The following CDON variants were observed in gnomAD, a reference collection of about 807,000 sequenced individuals.
The protein encoded by CDON is cell adhesion associated, oncogene regulated.
Under a neutral mutation model 120.9 loss-of-function variants are expected in CDON, and 73 were observed. The observed-to-expected ratio is 0.60, with a 90% CI of 0.50 to 0.73. The LOEUF (loss-of-function observed/expected upper bound fraction) is 0.73, where lower values mean the gene tolerates loss of function less well. Ranked by LOEUF, CDON falls within the 30% of genes least tolerant of loss-of-function variation. CDON has a pLI of 0.00. For missense variants in CDON, 1,470 were observed against 1,587.3 expected, an observed-to-expected ratio of 0.93 and a Z score of 1.26; for synonymous variants, 566 against 573.5, an observed-to-expected ratio of 0.99 and a Z score of 0.19.
chr11:126,008,939 T>C (rs971657738), intron 8 of CDON, among the ~76,000 whole-genome samples: 1 of 152,232 alleles, frequency 6.6e-6, no homozygotes, highest in Admixed American at 6.5e-5. Flanking sequence ...TTATACTTAG[T>C]ATCAATGGAG....
Position 126,015,381 on chromosome 11 carries a change from T to C in CDON, c.1058A>G (p.His353Arg). The part of the protein sequence containing the change: ...CTWFHNAQPI[H>R]PSARHLTAGN... ...TGCAGTTAGATGTCGTGCAGAAGGA[T>C]GAATAGGCTGTGCATTGTGAAACCA... Residue 353 changes from histidine (H) to arginine (R), a missense_variant, in exon 7 of 20, where the codon CAT becomes CGT. Coordinates refer to ENST00000531738, the MANE Select transcript of CDON (RefSeq NM_001378964.1). 1 of 1,614,152 alleles carries C rather than the reference T, an allele frequency of 6.2e-7. No individual in the cohort carries two copies. The highest frequency in any genetic ancestry group is 8.5e-7 in the Non-Finnish European group (1 of 1,180,032).
chr11:125,960,500 CA>C lies in CDON; in HGVS notation c.*441del, dbSNP rs201774829. ...GCAAGACTCCATCTCAAAAAACAAA[CA>C]AAAAAAAGTCTGAGAATACACTATT... On this transcript the variant is annotated 3_prime_UTR_variant, in exon 20 of 20. Coordinates refer to ENST00000531738, the MANE Select transcript of CDON (RefSeq NM_001378964.1). 5.7e-5 allele frequency: 10 copies of C among 176,794 alleles called. No homozygotes were observed. Among genetic ancestry groups the C allele is most frequent in the East Asian group, 1.7e-4 (1 of 5,902 alleles). The allele number at this position is 176,794 out of a possible 1,614,324, so 11.0% of individuals were successfully genotyped here.
At chr11:126,024,170 C>A (rs11599985) in intron 1 of CDON, among the ~76,000 whole-genome samples, 19,706 of 152,198 alleles carry the variant, frequency 0.13, 1,379 homozygotes, top group Middle Eastern at 0.25. Context: ...GCCAGAGAGG[C>A]AGGCTGGACC....
chr11:125,981,586 C>T (rs1946303164), intron 16 of CDON, among the ~76,000 whole-genome samples: 1 of 152,130 alleles, frequency 6.6e-6, no homozygotes, highest in Non-Finnish European at 1.5e-5. Context: ...AATAAAGTTA[C>T]TGCTATTATT....
chr11:126,006,936 T>C (rs1947145649), intron 8 of CDON, among the ~76,000 whole-genome samples: 1 of 152,076 alleles, frequency 6.6e-6, no homozygotes, highest in South Asian at 2.1e-4. Flanking sequence ...CATGTTACAG[T>C]TGAAGAAATT....
intron 9 of CDON, chr11:126,004,313 T>C (rs1947053064): frequency 1.9e-6 from 1 of 533,628 alleles, no homozygotes; most frequent in Non-Finnish European, 3.4e-6. Context: ...TGACCACTAA[T>C]GTGTGGCCTC....
At chr11:126,004,997 T>C (rs914468294) in intron 9 of CDON, among the ~76,000 whole-genome samples, 1 of 152,138 alleles carries the variant, frequency 6.6e-6, no homozygotes, top group Non-Finnish European at 1.5e-5. Context: ...ATGACTTTAA[T>C]ACAATTAAAA....
chr11:126,047,204 T>G (rs1318202922), intron 1 of CDON, among the ~76,000 whole-genome samples: 1 of 152,150 alleles, frequency 6.6e-6, no homozygotes, highest in Non-Finnish European at 1.5e-5. Context: ...GGTATTAAAC[T>G]GAAGAATGTT....
intron 1 of CDON, among the ~76,000 whole-genome samples, chr11:126,029,443 T>C (rs963037016): frequency 6.6e-6 from 1 of 152,196 alleles, no homozygotes; most frequent in Non-Finnish European, 1.5e-5. Context: ...TAAATTTGTA[T>C]GCAAAAATTG....
intron 1 of CDON, among the ~76,000 whole-genome samples, chr11:126,033,004 G>A (rs1379743116): frequency 6.6e-6 from 1 of 152,188 alleles, no homozygotes; most frequent in Non-Finnish European, 1.5e-5. Flanking sequence ...GTGAGGCCCT[G>A]TGATCAACAG....
intron 18 of CDON, among the ~76,000 whole-genome samples, chr11:125,975,611 C>G (rs1169751608): frequency 6.6e-6 from 1 of 152,146 alleles, no homozygotes; most frequent in Non-Finnish European, 1.5e-5. Flanking sequence ...GGACCATGGG[C>G]ATCAGTACCA....
intron 1 of CDON, among the ~76,000 whole-genome samples, chr11:126,046,514 T>TA (rs1555139309): frequency 2.4e-4 from 37 of 151,902 alleles, no homozygotes; most frequent in African/African-American, 6.0e-4. Context: ...ATAATATTTT[T>TA]AAAAATATTT....
intron 1 of CDON, among the ~76,000 whole-genome samples, chr11:126,041,188 TAAAAAAA>T (rs562515383): frequency 2.1e-5 from 2 of 94,098 alleles, no homozygotes; most frequent in Non-Finnish European, 4.3e-5. Flanking sequence ...TGAGACTGTC[TAAAAAAA>T]AAAAAAAAAA....
At chr11:125,980,248 T>C (rs1012462868) in intron 17 of CDON, among the ~76,000 whole-genome samples, 6 of 152,226 alleles carry the variant, frequency 3.9e-5, no homozygotes, top group Non-Finnish European at 2.9e-5. Context: ...TCTACTACCA[T>C]TTCAAAAATT....
intron 1 of CDON, among the ~76,000 whole-genome samples, chr11:126,048,617 T>C (rs1013177618): frequency 2.6e-5 from 4 of 152,086 alleles, no homozygotes; most frequent in African/African-American, 4.8e-5. Context: ...TTCTACTACA[T>C]AAAGAATATA....
At chr11:125,993,046 G>C (rs1335029665) in intron 14 of CDON, among the ~76,000 whole-genome samples, 1 of 152,124 alleles carries the variant, frequency 6.6e-6, no homozygotes, top group Non-Finnish European at 1.5e-5. Flanking sequence ...GAAATGCTAC[G>C]TCAGAAAGTT....
intron 8 of CDON, among the ~76,000 whole-genome samples, chr11:126,010,042 G>C (rs866343968): frequency 6.6e-5 from 10 of 152,006 alleles, no homozygotes; most frequent in South Asian, 6.2e-4. Flanking sequence ...TATCATTTTC[G>C]GTAGCTTAGA....
intron 14 of CDON, among the ~76,000 whole-genome samples, chr11:125,991,177 T>C (rs766560311): frequency 6.6e-6 from 1 of 152,240 alleles, no homozygotes; most frequent in Non-Finnish European, 1.5e-5. Flanking sequence ...GTTAAAATGA[T>C]ACATATCTTG....
At chr11:126,016,828 G>C (rs1239968916) in intron 6 of CDON, among the ~76,000 whole-genome samples, 1 of 152,086 alleles carries the variant, frequency 6.6e-6, no homozygotes, top group African/African-American at 2.4e-5. Context: ...TCCATGTTAT[G>C]AAGAAGGGAG....
Sources: allele counts gnomAD v4.1 joint callset (sites outside exome capture counted in the v4.1 genomes callset), GRCh38; gene constraint gnomAD v4.1.1; transcripts MANE v1.5; gene names NCBI Gene and HGNC (gene_info 2026-07-23, HGNC 2026-07-21).